PCDH9: variants seen among roughly 807,000 people sequenced by gnomAD.
PCDH9 encodes protocadherin-9.
In PCDH9, 24 loss-of-function variants were observed where a neutral mutation model predicts 70.6. The observed-to-expected ratio is 0.34, with a 90% CI of 0.25 to 0.48. The LOEUF is 0.48. Ranked by LOEUF, PCDH9 falls within the 20% of genes least tolerant of loss-of-function variation. The pLI, the probability that PCDH9 is intolerant of heterozygous loss-of-function variation, is 0.99. For synonymous variants in PCDH9, 562 were observed against 558.5 expected (o/e 1.01, Z -0.09); for missense variants, 1,281 against 1,503.6 (o/e 0.85, Z 2.45).
At chr13:66,777,302 C>T (rs1326852648) in intron 3 of PCDH9, among the ~76,000 whole-genome samples, 1 of 151,194 alleles carries the variant, frequency 6.6e-6, no homozygotes, top group East Asian at 1.9e-4. Context: ...AACTAAAGAG[C>T]TTCTGCACAG....
At chr13:67,030,224 A>T (rs963515621) in intron 2 of PCDH9, among the ~76,000 whole-genome samples, 1 of 152,160 alleles carries the variant, frequency 6.6e-6, no homozygotes, top group Non-Finnish European at 1.5e-5. Flanking sequence ...ATTATTTTCA[A>T]TACACACAAA....
intron 2 of PCDH9, among the ~76,000 whole-genome samples, chr13:67,062,238 T>C (rs1445108223): frequency 6.6e-6 from 1 of 152,044 alleles, no homozygotes; most frequent in Non-Finnish European, 1.5e-5. Context: ...ATTAGATAGA[T>C]AGATTAAAAA....
intron 3 of PCDH9, among the ~76,000 whole-genome samples, chr13:66,726,461 G>GCTTT (rs201702640): frequency 0.017 from 2,575 of 152,238 alleles, 80 homozygotes; most frequent in African/African-American, 0.059. Context: ...TCTGTTTAAA[G>GCTTT]CATAACATTA....
intron 3 of PCDH9, among the ~76,000 whole-genome samples, chr13:66,776,247 C>T (rs944146164): frequency 6.6e-6 from 1 of 150,916 alleles, no homozygotes. Flanking sequence ...CTCACCGCTC[C>T]TATTCAACAT....
intron 2 of PCDH9, chr13:67,204,519 T>C (rs1200940560): frequency 6.6e-6 from 1 of 152,132 alleles, no homozygotes; most frequent in Non-Finnish European, 1.5e-5. Context: ...TAATCCATAA[T>C]TGTGGAGGTA....
At chr13:66,487,295 T>C (rs1420706405) in intron 4 of PCDH9, among the ~76,000 whole-genome samples, 1 of 152,160 alleles carries the variant, frequency 6.6e-6, no homozygotes, top group Non-Finnish European at 1.5e-5. Flanking sequence ...TACAAAAATA[T>C]ATAGGTGACA....
intron 3 of PCDH9, among the ~76,000 whole-genome samples, chr13:66,659,413 T>A (rs1001025939): frequency 4.6e-5 from 7 of 152,188 alleles, no homozygotes; most frequent in African/African-American, 1.4e-4. Context: ...CTACATTTTA[T>A]ATCCTTGGGG....
rs76953420 is a variant in PCDH9 at position 66,413,138 on chromosome 13, C to T, written c.3341-108110G>A. On this transcript the variant is annotated intron_variant, in intron 4 of 4. Transcript: ENST00000377865. ...GAAAAAAATGCAAGTGCTTCTAATT[C>T]ATTCCCTCTCTTTCCATAACTTGTC... 1.2e-3 allele frequency among the ~76,000 whole-genome samples: 189 copies of T among 152,300 alleles called. 2 individuals are homozygous for T. The East Asian group carries it at 0.032, about 26-fold the overall frequency.
chr13:66,401,289 C>T (rs187711887), intron 4 of PCDH9, among the ~76,000 whole-genome samples: 17 of 151,986 alleles, frequency 1.1e-4, no homozygotes, highest in African/African-American at 2.7e-4. Context: ...TGGGGGCGGT[C>T]CCCCCATGCT....
chr13:66,983,853 C>T (rs974863807), intron 2 of PCDH9, among the ~76,000 whole-genome samples: 1 of 151,214 alleles, frequency 6.6e-6, no homozygotes, highest in Non-Finnish European at 1.5e-5. Context: ...TTTTGCTCCT[C>T]TCCCTTCTCC....
chr13:67,150,358 T>C (rs1004181831), intron 2 of PCDH9, among the ~76,000 whole-genome samples: 3 of 152,094 alleles, frequency 2.0e-5, no homozygotes, highest in Non-Finnish European at 4.4e-5. Context: ...TTTTAATCAA[T>C]ACAAAAAGCC....
intron 4 of PCDH9, among the ~76,000 whole-genome samples, chr13:66,413,720 T>A (rs1957413464): frequency 1.3e-5 from 2 of 151,604 alleles, no homozygotes; most frequent in African/African-American, 4.8e-5. Context: ...AATAAAATAT[T>A]AAAAAAAGGA....
chr13:66,446,638 T>G (rs955127056), intron 4 of PCDH9, among the ~76,000 whole-genome samples: 11 of 152,050 alleles, frequency 7.2e-5, no homozygotes, highest in Non-Finnish European at 1.3e-4. Context: ...GGAATTCCAT[T>G]TTGATTCCCT....
rs994408040 is a variant in PCDH9 at position 67,219,777 on chromosome 13, T to C, written c.3036+5628A>G. The C allele has an allele frequency of 3.9e-5, 6 of 151,994 alleles. 1 individual carries two copies. In the South Asian group the frequency reaches 1.2e-3, roughly 31 times the overall value. 9.4% of individuals were successfully genotyped at this position (151,994 alleles called of 1,614,324 possible). On this transcript the variant is annotated intron_variant, in intron 2 of 4. Coordinates refer to ENST00000377865, the MANE Select transcript of PCDH9 (RefSeq NM_203487.3). ...CCTTTAAAAATCTGCATTAACTAAT[T>C]TGTACTTTCCAACTCAGTGAAATAT...
chr13:66,857,847 T>C (rs2081419634), intron 3 of PCDH9, among the ~76,000 whole-genome samples: 1 of 152,060 alleles, frequency 6.6e-6, no homozygotes, highest in Admixed American at 6.6e-5. Context: ...CACCTTTTCC[T>C]CCCAATTCAT....
chr13:66,696,788 T>C (rs1462827904), intron 3 of PCDH9, among the ~76,000 whole-genome samples: 1 of 145,672 alleles, frequency 6.9e-6, no homozygotes, highest in African/African-American at 2.5e-5. Context: ...GCAAACTTTT[T>C]TTTTTTTTTT....
At chr13:66,383,448 C>G (rs1956879789) in intron 4 of PCDH9, among the ~76,000 whole-genome samples, 1 of 152,170 alleles carries the variant, frequency 6.6e-6, no homozygotes, top group South Asian at 2.1e-4. Context: ...GGGTAGTGCT[C>G]ATCAAAGTCA....
intron 4 of PCDH9, among the ~76,000 whole-genome samples, chr13:66,399,960 CT>C (rs112014316): frequency 0.026 from 3,997 of 152,152 alleles, 169 homozygotes; most frequent in African/African-American, 0.09. Flanking sequence ...GATTTTCTGA[CT>C]TTCCAATTCA....
chr13:66,384,374 T>C (rs573088057), intron 4 of PCDH9, among the ~76,000 whole-genome samples: 3 of 152,280 alleles, frequency 2.0e-5, no homozygotes, highest in East Asian at 1.9e-4. Context: ...AATATTATGA[T>C]GAATGTTAAA....
Sources: allele counts gnomAD v4.1 joint callset (sites outside exome capture counted in the v4.1 genomes callset), GRCh38; gene constraint gnomAD v4.1.1; transcripts MANE v1.5; gene names NCBI Gene and HGNC (gene_info 2026-07-23, HGNC 2026-07-21).